The following TRAT1 variants were observed in gnomAD, a reference collection of about 807,000 sequenced individuals.
TRAT1 encodes the protein T-cell receptor-associated transmembrane adapter 1.
TRAT1 carries 20 observed loss-of-function variants against 20.0 expected under a neutral mutation model. That is an observed-to-expected ratio of 1.00 (90% CI 0.70 to 1.45). TRAT1 has a LOEUF of 1.45. Among genes scored for constraint, TRAT1 ranks in the 40% most tolerant of loss-of-function variants. The pLI is 0.00. For synonymous variants in TRAT1, 77 were observed against 74.2 expected (o/e 1.04, Z -0.20); for missense variants, 237 against 224.1 (o/e 1.06, Z -0.37).
chr3:108,853,875 T>C lies in TRAT1; in HGVS notation c.559T>C (p.Ter187GlnextTer8), dbSNP rs1320484728. The change falls in exon 6 of 6, where the codon TAG becomes CAG. Residue 187 changes from the stop codon to glutamine (Q), a stop_lost. Coordinates refer to ENST00000295756, the MANE Select transcript of TRAT1 (RefSeq NM_016388.4). ...LIRAKREPIN[*>Q] ...CCGTGCTAAGAGAGAACCTATAAAC[T>C]AGCTGGACCATGATCTAGTTCAATG... is the stretch of plus-strand genomic sequence containing the variant. The C allele has an allele frequency of 6.2e-7, 1 of 1,613,208 alleles. No individual in the cohort carries two copies. The highest frequency in any genetic ancestry group is 2.2e-5 in the East Asian group (1 of 44,868).
chr3:108,849,288 T>C (rs1385026178), intron 5 of TRAT1, 34 bp downstream of exon 5: 7 of 1,556,780 alleles, frequency 4.5e-6, no homozygotes, highest in Admixed American at 3.4e-5. Flanking sequence ...CATTTGCACA[T>C]TTCAAGAGCA....
At chr3:108,824,401 G>A (rs187682858) in intron 1 of TRAT1, among the ~76,000 whole-genome samples, 6 of 152,120 alleles carry the variant, frequency 3.9e-5, no homozygotes, top group Non-Finnish European at 7.4e-5. Context: ...TTAAAAAATC[G>A]TCACTAATCT....
At chr3:108,840,708 GC>G (rs1945888789) in intron 3 of TRAT1, among the ~76,000 whole-genome samples, 1 of 152,212 alleles carries the variant, frequency 6.6e-6, no homozygotes, top group Admixed American at 6.5e-5. Flanking sequence ...AGGAGTCTGA[GC>G]GCTTCAGCCC....
intron 1 of TRAT1, among the ~76,000 whole-genome samples, chr3:108,829,559 G>A (rs376219813): frequency 4.3e-4 from 61 of 140,932 alleles, no homozygotes; most frequent in Admixed American, 3.2e-3. Flanking sequence ...ACTTCAGCCT[G>A]GGCGAAAGAG....
chr3:108,840,417 T>C (rs948686696), intron 3 of TRAT1, among the ~76,000 whole-genome samples: 5 of 152,140 alleles, frequency 3.3e-5, no homozygotes, highest in African/African-American at 1.2e-4. Context: ...GAAAGTCTTG[T>C]GATTTGACTA....
At chr3:108,823,423 T>C (rs1425666808) in intron 1 of TRAT1, among the ~76,000 whole-genome samples, 1 of 152,222 alleles carries the variant, frequency 6.6e-6, no homozygotes, top group Non-Finnish European at 1.5e-5. Context: ...GTTAGATCCA[T>C]ATTCACTCGC....
At chr3:108,849,315 T>A (rs964191361) in intron 5 of TRAT1, 61 bp downstream of exon 5, 13 of 1,383,210 alleles carry the variant, frequency 9.4e-6, no homozygotes, top group Non-Finnish European at 1.3e-5. Flanking sequence ...TAGTACATTA[T>A]GATACACATC....
rs79029897 is a variant in TRAT1, at chr3:108,853,852, G to T, written c.536G>T (p.Arg179Leu). The change falls in exon 6 of 6, where the codon CGT (arginine) becomes CTT (leucine). Residue 179 changes from arginine (R) to leucine (L), a missense_variant. Physicochemically the swap from Arg to Leu is moderately radical, Grantham distance 102. Transcript: ENST00000295756. Reference protein sequence around the residue: ...DDPIRLFGLIRAKREPIN With the variant: ...DDPIRLFGLILAKREPIN ...CCCATCAGACTGTTTGGATTGATCC[G>T]TGCTAAGAGAGAACCTATAAACTAG... 1.8e-4 allele frequency: 298 copies of T among 1,613,956 alleles called. 1 individual carries two copies. In the East Asian group the frequency reaches 6.3e-3, roughly 34 times the overall value.
chr3:108,833,427 A>C (rs1262209507), intron 2 of TRAT1, among the ~76,000 whole-genome samples: 1 of 152,122 alleles, frequency 6.6e-6, no homozygotes, highest in Non-Finnish European at 1.5e-5. Context: ...AAAACAAAAC[A>C]AAACAAAAAA....
Position 108,853,854 on chromosome 3 carries a change from G to T in TRAT1, c.538G>T (p.Ala180Ser). 5 of 1,614,004 alleles carry T rather than the reference G, an allele frequency of 3.1e-6. No individual in the cohort carries two copies. Among genetic ancestry groups the T allele is most frequent in the Non-Finnish European group, 4.2e-6 (5 of 1,179,912 alleles). ...DPIRLFGLIR[A>S]KREPIN ...CATCAGACTGTTTGGATTGATCCGT[G>T]CTAAGAGAGAACCTATAAACTAGCT... Residue 180 changes from alanine to serine, a missense_variant, in exon 6 of 6, where the codon GCT becomes TCT. Ala to Ser is a moderately conservative substitution (Grantham distance 99). Coordinates refer to ENST00000295756, the MANE Select transcript of TRAT1 (RefSeq NM_016388.4).
At chr3:108,825,284 T>C (rs997656122) in intron 1 of TRAT1, among the ~76,000 whole-genome samples, 1 of 152,178 alleles carries the variant, frequency 6.6e-6, no homozygotes, top group Non-Finnish European at 1.5e-5. Context: ...TCATCCATAA[T>C]GTTCTGGTAT....
intron 2 of TRAT1, among the ~76,000 whole-genome samples, chr3:108,831,399 C>T (rs1945791724): frequency 6.6e-6 from 1 of 152,166 alleles, no homozygotes; most frequent in African/African-American, 2.4e-5. Context: ...TGGCCTGAAG[C>T]CCAGCAGCTG....
intron 2 of TRAT1, among the ~76,000 whole-genome samples, chr3:108,833,479 CT>C (rs1335563725): frequency 1.3e-5 from 2 of 152,058 alleles, no homozygotes; most frequent in Non-Finnish European, 2.9e-5. Context: ...AGATTTTTTC[CT>C]TTTCAATTGT....
chr3:108,826,760 A>G (rs1391496231), intron 1 of TRAT1, among the ~76,000 whole-genome samples: 1 of 152,186 alleles, frequency 6.6e-6, no homozygotes, highest in African/African-American at 2.4e-5. Context: ...AAGAGAAGCT[A>G]TATGCTGTAA....
At chr3:108,835,284 A>G (rs1460165640) in intron 2 of TRAT1, among the ~76,000 whole-genome samples, 2 of 152,236 alleles carry the variant, frequency 1.3e-5, no homozygotes, top group East Asian at 3.8e-4. Context: ...CATCTGAATC[A>G]CAGGAGAGGA....
chr3:108,832,075 A>C (rs1488916907), intron 2 of TRAT1, among the ~76,000 whole-genome samples: 1 of 152,200 alleles, frequency 6.6e-6, no homozygotes, highest in Non-Finnish European at 1.5e-5. Flanking sequence ...AGCACCGATA[A>C]TACTAATATA....
chr3:108,827,384 ATGTGTGTGTGTGTGTGTGTG>A (rs71103493), intron 1 of TRAT1, among the ~76,000 whole-genome samples: 1 of 145,112 alleles, frequency 6.9e-6, no homozygotes, highest in Non-Finnish European at 1.5e-5. Flanking sequence ...GTATGTGTGT[ATGTGTGTGTGTGTGTGTGTG>A]TGTGTGTGTG....
intron 2 of TRAT1, among the ~76,000 whole-genome samples, chr3:108,833,487 T>C (rs557066370): frequency 6.6e-6 from 1 of 152,268 alleles, no homozygotes; most frequent in Non-Finnish European, 1.5e-5. Flanking sequence ...TCCTTTTCAA[T>C]TGTGCAAACC....
chr3:108,848,143 A>C (rs2107515351), intron 4 of TRAT1, among the ~76,000 whole-genome samples: 1 of 152,208 alleles, frequency 6.6e-6, no homozygotes, highest in South Asian at 2.1e-4. Context: ...ATGGCTCCAA[A>C]CCCATTATAC....
Sources: gnomAD v4.1 joint callset for allele counts (sites outside exome capture counted in the v4.1 genomes callset) on GRCh38, gnomAD v4.1.1 for gene constraint, MANE v1.5 for transcripts, NCBI Gene and HGNC (gene_info 2026-07-23, HGNC 2026-07-21) for gene names.